The following RANGAP1 variants were observed in gnomAD, a reference collection of about 807,000 sequenced individuals.
RANGAP1 encodes the protein Ran GTPase activating protein 1.
Under a neutral mutation model 63.5 loss-of-function variants are expected in RANGAP1, and 38 were observed. That is an observed-to-expected ratio of 0.60 (90% confidence interval 0.46 to 0.78). The LOEUF (loss-of-function observed/expected upper bound fraction) is 0.78, where lower values mean the gene tolerates loss of function less well. Ranked by LOEUF, RANGAP1 falls within the 30% of genes least tolerant of loss-of-function variation. The pLI is 0.00. For synonymous variants in RANGAP1, 329 were observed against 310.5 expected, an observed-to-expected ratio of 1.06 and a Z score of -0.63; for missense variants, 630 against 740.3, an observed-to-expected ratio of 0.85 and a Z score of 1.73.
Position 41,257,707 on chromosome 22 carries a change from C to T in RANGAP1, c.774+241G>A, listed in dbSNP as rs1039088611. On this transcript the variant is annotated intron_variant, in intron 7 of 15. Transcript: ENST00000356244. This position sits in a 1 kb window ranked among gnomAD's most constrained non-coding sequence, Gnocchi z 4.0. ...AACCAGCGGCAGCCGCTGGGGGCTGCAGAGGCGGCTCAGGAGAAGGTGGCA... is the reference window on the plus strand; with the variant it reads ...AACCAGCGGCAGCCGCTGGGGGCTGTAGAGGCGGCTCAGGAGAAGGTGGCA... Among the ~76,000 whole-genome samples, 1 of 152,252 alleles carries T rather than the reference C, an allele frequency of 6.6e-6. No homozygotes were observed. Among genetic ancestry groups the T allele is most frequent in the Non-Finnish European group, 1.5e-5 (1 of 68,048 alleles).
At chr22:41,251,165 G>T in intron 12 of RANGAP1, 56 bp from the exon 13 acceptor site, 2 of 1,410,800 alleles carry the variant, frequency 1.4e-6, no homozygotes, top group Non-Finnish European at 1.0e-6. Flanking sequence ...AGGTACCTGG[G>T]CTCTGACGCT....
At chr22:41,295,195 G>T in the RANGAP1 span, among the ~76,000 whole-genome samples, 2 of 151,488 alleles carry the variant, frequency 1.3e-5, no homozygotes, top group African/African-American at 4.9e-5. Flanking sequence ...CGTCTGGGAG[G>T]TGTGCCCAGC....
At chr22:41,291,036 C>T (rs1486029213), upstream of RANGAP1, among the ~76,000 whole-genome samples, 1 of 152,246 alleles carries the variant, frequency 6.6e-6, no homozygotes, top group African/African-American at 2.4e-5. Flanking sequence ...AGTCGAACCA[C>T]ATCTTTCTCA....
chr22:41,264,294 C>G (rs987162876), intron 5 of RANGAP1, among the ~76,000 whole-genome samples: 1 of 152,172 alleles, frequency 6.6e-6, no homozygotes, highest in Admixed American at 6.5e-5. Context: ...CGGTGCCCCC[C>G]CTGAGCATAT....
At chr22:41,281,316 C>G in intron 1 of RANGAP1, 1 of 786,792 alleles carries the variant, frequency 1.3e-6, no homozygotes, top group Non-Finnish European at 1.7e-6. Context: ...AAGCTACCAT[C>G]TCATTACAAG....
At position 41,261,563 on chromosome 22, in the gene RANGAP1, C is replaced by T. The variant is rs749799760; in HGVS notation, c.498G>A (p.Leu166=). 1.2e-6 allele frequency: 2 copies of T among 1,614,234 alleles called. No individual in the cohort carries two copies. Among genetic ancestry groups the T allele is most frequent in the Non-Finnish European group, 1.7e-6 (2 of 1,180,046 alleles). ...CACTGGATTTCCGGTGACATTCGGT[C>T]AGAGCTGCAGCCAGGATCTGTGGGG... is the stretch of plus-strand genomic sequence containing the variant. ...IGGGKILAAA[L]TECHRKSSAQ... The change falls in exon 6 of 16, where the codon CTG becomes CTA. Residue 166 remains leucine, a synonymous_variant. Coordinates refer to ENST00000356244, the MANE Select transcript of RANGAP1 (RefSeq NM_002883.4).
At chr22:41,276,816 C>G (rs1247660637) in intron 2 of RANGAP1, among the ~76,000 whole-genome samples, 2 of 151,686 alleles carry the variant, frequency 1.3e-5, no homozygotes, top group Non-Finnish European at 2.9e-5. Flanking sequence ...AACCCCGTCT[C>G]TACTAAAAAT....
rs1161205661 is a variant in RANGAP1 at position 41,276,266 on chromosome 22, T to C, written c.113-1539A>G. Among the ~76,000 whole-genome samples the C allele has an allele frequency of 3.9e-5, 6 of 152,246 alleles. No individual in the cohort carries two copies. In the South Asian group the frequency reaches 1.0e-3, roughly 26 times the overall value. On this transcript the variant is annotated intron_variant, in intron 2 of 15. Transcript: ENST00000356244. ...AGGATAATGGGTGATTGTGTGTTTT[T>C]AACTATTTGAAGTAAAATGTTCTCA... is the stretch of plus-strand genomic sequence containing the variant.
intron 2 of RANGAP1, chr22:41,280,730 C>A (rs1402525535): frequency 4.0e-6 from 6 of 1,511,672 alleles, no homozygotes; most frequent in African/African-American, 1.4e-5. Context: ...ATGCCCAATA[C>A]AAACATGGAA....
At chr22:41,302,131 C>T in the RANGAP1 span, among the ~76,000 whole-genome samples, 4 of 152,106 alleles carry the variant, frequency 2.6e-5, no homozygotes, top group Admixed American at 1.3e-4. This position sits in a 1 kb window ranked among gnomAD's most constrained non-coding sequence, Gnocchi z 5.7. Flanking sequence ...CTTCGGCGTC[C>T]GGAGCTTCTG....
chr22:41,288,169 G>A (rs1300882521), upstream of RANGAP1, among the ~76,000 whole-genome samples: 1 of 152,148 alleles, frequency 6.6e-6, no homozygotes, highest in Non-Finnish European at 1.5e-5. Context: ...TTCCTGAGAT[G>A]TGGATCCTCT....
At chr22:41,273,001 C>T (rs1019782812) in intron 3 of RANGAP1, among the ~76,000 whole-genome samples, 3 of 151,990 alleles carry the variant, frequency 2.0e-5, no homozygotes, top group East Asian at 1.9e-4. Context: ...TTTGTAGAGA[C>T]GGGGTTTCAC....
At chr22:41,283,381 C>T (rs139189584) in intron 1 of RANGAP1, among the ~76,000 whole-genome samples, 2,716 of 152,166 alleles carry the variant, frequency 0.018, 97 homozygotes, top group African/African-American at 0.062. Flanking sequence ...TGGTGGCACA[C>T]GCCTTTAGTC....
Position 41,273,824 on chromosome 22 carries a change from C to T in RANGAP1, c.240+776G>A, listed in dbSNP as rs5758276. Among the ~76,000 whole-genome samples the T allele has an allele frequency of 2.6e-3, 379 of 148,312 alleles. 15 individuals are homozygous for T. The East Asian group carries it at 0.057, about 22-fold the overall frequency. ...GGAGCAGTGGCTCATGCCTGTAATC[C>T]CAGCACTTTGGGAGGCCGAGGCGGG... On this transcript the variant is annotated intron_variant, in intron 3 of 15. Coordinates refer to ENST00000356244, the MANE Select transcript of RANGAP1 (RefSeq NM_002883.4).
chr22:41,277,270 G>C (rs2035211920), intron 2 of RANGAP1, among the ~76,000 whole-genome samples: 1 of 151,610 alleles, frequency 6.6e-6, no homozygotes, highest in South Asian at 2.1e-4. Flanking sequence ...AGTAGAGACG[G>C]GGTTTCACCG....
rs2033040104 is a variant in RANGAP1, at chr22:41,246,506, A to G, written c.*97T>C. 7.5e-7 allele frequency: 1 copy of G among 1,326,044 alleles called. No homozygotes were observed. Among genetic ancestry groups the G allele is most frequent in the Non-Finnish European group, 1.1e-6 (1 of 952,354 alleles). The allele number at this position is 1,326,044 out of a possible 1,614,324, so 82.1% of individuals were successfully genotyped here. On this transcript the variant is annotated 3_prime_UTR_variant, in exon 16 of 16. Transcript: ENST00000356244. ...ACAGACCCGCCCTGCCTGTGGCCAG[A>G]GTCCTGTCCAAGGCAATGGCGTAGG...
chr22:41,250,887 C>T, intron 13 of RANGAP1, 120 bp downstream of exon 13: 1 of 769,664 alleles, frequency 1.3e-6, no homozygotes, highest in Admixed American at 2.6e-5. Flanking sequence ...ACTCAGGTGG[C>T]CAAAGAGCAG....
At chr22:41,261,385 C>A in intron 6 of RANGAP1, 61 bp downstream of exon 6, 1 of 1,604,180 alleles carries the variant, frequency 6.2e-7, no homozygotes, top group South Asian at 1.1e-5. Context: ...CCAGAACTGT[C>A]AGCCTACTAT....
chr22:41,279,654 T>C (rs1301082028), intron 2 of RANGAP1, among the ~76,000 whole-genome samples: 1 of 149,936 alleles, frequency 6.7e-6, no homozygotes, highest in Non-Finnish European at 1.5e-5. Context: ...AAAAAAAAAT[T>C]AGCCAGGCGT....
Sources: gnomAD v4.1 joint callset for allele counts (sites outside exome capture counted in the v4.1 genomes callset) on GRCh38, gnomAD v4.1.1 for gene constraint, Gnocchi (gnomAD v3.1) non-coding constraint, MANE v1.5 for transcripts, NCBI Gene and HGNC (gene_info 2026-07-23, HGNC 2026-07-21) for gene names.